RNF213: variants seen among roughly 807,000 people sequenced by gnomAD.
RNF213 encodes E3 ubiquitin-protein ligase RNF213.
RNF213 carries 341 observed loss-of-function variants against 514.4 expected under a neutral mutation model. That is an observed-to-expected ratio of 0.66 (90% CI 0.61 to 0.73). RNF213 has a LOEUF of 0.73. RNF213 is among the 30% of genes least tolerant of loss of function. The pLI is 0.00. For synonymous variants in RNF213, 2,655 were observed against 2,658.2 expected, an observed-to-expected ratio of 1.00 and a Z score of 0.04; for missense variants, 5,767 against 6,615.6, an observed-to-expected ratio of 0.87 and a Z score of 4.45.
In RNF213 at chr17:80,389,997, C is replaced by T. The variant is rs765789358; in HGVS notation, c.15286-15C>T. The T allele has an allele frequency of 1.2e-6, 2 of 1,614,218 alleles. No individual in the cohort carries two copies. Among genetic ancestry groups the T allele is most frequent in the Admixed American group, 1.7e-5 (1 of 60,026 alleles). ...TGCAGGCTTTAATGCTTCATTTGCT[C>T]TTCCGTCGTTTTAGGAGCCATTTGG... On this transcript the variant is annotated splice_polypyrimidine_tract_variant and intron_variant, in intron 66 of 67. Coordinates refer to ENST00000582970, the MANE Select transcript of RNF213 (RefSeq NM_001256071.3).
chr17:80,288,409 G>T lies in RNF213; in HGVS notation c.810+46G>T, dbSNP rs750165407. 2 of 1,607,016 alleles carry T rather than the reference G, an allele frequency of 1.2e-6. No individual in the cohort carries two copies. Among genetic ancestry groups the T allele is most frequent in the Non-Finnish European group, 1.7e-6 (2 of 1,178,260 alleles). The stretch of plus-strand genomic sequence containing the variant: ...GGCCTGGGAGTGGCACTGAGCCCTC[G>T]GCACCTGGGCTCTGCTGCAAGGTGC... On this transcript the variant is annotated intron_variant, in intron 4 of 67. Coordinates refer to ENST00000582970, the MANE Select transcript of RNF213 (RefSeq NM_001256071.3). This position sits in a 1 kb window ranked among gnomAD's most constrained non-coding sequence, Gnocchi z 4.9.
chr17:80,349,992 T>C (rs1303629050), intron 30 of RNF213, 86 bp downstream of exon 30: 1 of 1,439,140 alleles, frequency 6.9e-7, no homozygotes, highest in African/African-American at 1.4e-5. Context: ...CCGCGCCGGT[T>C]AATGAGCGCC....
chr17:80,358,053 A>C (rs913101457), intron 36 of RNF213, among the ~76,000 whole-genome samples: 2 of 152,232 alleles, frequency 1.3e-5, no homozygotes, highest in African/African-American at 4.8e-5. Flanking sequence ...ACAGTTTATT[A>C]GATGTAGAAT....
chr17:80,272,246 T>C (rs1195794006), intron 2 of RNF213, among the ~76,000 whole-genome samples: 1 of 152,068 alleles, frequency 6.6e-6, no homozygotes, highest in Non-Finnish European at 1.5e-5. Flanking sequence ...ATTGTGCCTC[T>C]GCACTCCAGC....
chr17:80,273,477 A>G, intron 3 of RNF213, 73 bp downstream of exon 3: 2 of 1,591,942 alleles, frequency 1.3e-6, no homozygotes, highest in East Asian at 2.3e-5. Flanking sequence ...ACAGCTGCCC[A>G]GCTAGCCCCC....
intron 44 of RNF213, among the ~76,000 whole-genome samples, chr17:80,368,495 C>T (rs1351061929): frequency 2.7e-5 from 4 of 149,910 alleles, no homozygotes; most frequent in African/African-American, 4.9e-5. Flanking sequence ...TACAGTGGCA[C>T]GATCTCAGCT....
intron 56 of RNF213, 46 bp downstream of exon 56, chr17:80,381,033 T>C (rs2079978055): frequency 6.2e-7 from 1 of 1,602,084 alleles, no homozygotes; most frequent in African/African-American, 1.3e-5. Context: ...AAGAACCTGC[T>C]TTCGCTTCTT....
intron 3 of RNF213, among the ~76,000 whole-genome samples, chr17:80,282,954 T>A (rs1489602055): frequency 7.2e-5 from 11 of 152,206 alleles, no homozygotes; most frequent in African/African-American, 2.7e-4. Flanking sequence ...CGCCTCGTTC[T>A]CTCAAAGTGC....
rs774133769 is a variant in RNF213, at chr17:80,383,761, T to C, written c.14155T>C (p.Tyr4719His). The change falls in exon 59 of 68, where the codon TAT (tyrosine) becomes CAT (histidine). Residue 4719 changes from tyrosine to histidine, a missense_variant. Transcript: ENST00000582970. ...CTCTAACCCTGTGGCCAAAATAATA[T>C]ATGGTGACCCAGTGACCTTCCTGCC... is the stretch of plus-strand genomic sequence containing the variant. Reference protein sequence around the residue: ...ISSNPVAKIIYGDPVTFLPHL... With the variant: ...ISSNPVAKIIHGDPVTFLPHL... The C allele has an allele frequency of 2.5e-6, 4 of 1,613,958 alleles. No individual in the cohort carries two copies. The highest frequency in any genetic ancestry group is 1.1e-5 in the South Asian group (1 of 91,074).
At chr17:80,382,735 C>CTTTTTTTTTTTTTTTTTTTTGAG (rs1465759055) in intron 57 of RNF213, 2 of 416,208 alleles carry the variant, frequency 4.8e-6, no homozygotes, top group African/African-American at 4.1e-5. Context: ...TAATTTTTTT[C>CTTTTTTTTTTTTTTTTTTTTGAG]AAAATGGGTC....
Position 80,346,540 on chromosome 17 carries a change from C to T in RNF213, c.8205C>T (p.Gly2735=), listed in dbSNP as rs371164542. 148 of 1,613,430 alleles carry T rather than the reference C, an allele frequency of 9.2e-5. 1 individual carries two copies. The highest frequency in any genetic ancestry group is 1.2e-4 in the Non-Finnish European group (136 of 1,180,036). Residue 2735 remains glycine (G), a synonymous_variant, in exon 29 of 68, where the codon GGC becomes GGT. Coordinates refer to ENST00000582970, the MANE Select transcript of RNF213 (RefSeq NM_001256071.3). The surrounding 1 kb of genome is among the most constrained non-coding windows in gnomAD (Gnocchi z 8.1). ...ITRAQDLFLD[G]VPLRKTIAKN... Reference sequence around the variant, plus strand: ...GGGCACAGGATCTTTTTCTGGACGGCGTACCTCTGAGGAAAACCATCGCCA... The same window carrying T: ...GGGCACAGGATCTTTTTCTGGACGGTGTACCTCTGAGGAAAACCATCGCCA...
Position 80,354,152 on chromosome 17 carries a change from A to G in RNF213, c.10712A>G (p.Asp3571Gly). 1.9e-6 allele frequency: 3 copies of G among 1,613,860 alleles called. No homozygotes were observed. The highest frequency in any genetic ancestry group is 1.7e-4 in the Middle Eastern group (1 of 5,976). Residue 3571 changes from aspartate (D) to glycine (G), a missense_variant, in exon 35 of 68, where the codon GAT becomes GGT. By Grantham distance (94) the Asp-to-Gly change is moderately conservative. Transcript: ENST00000582970. The part of the protein sequence containing the change: ...VVLLLGLLNE[D>G]DACHASFLRV... ...CTCCTCCTGGGCCTCTTGAATGAGG[A>G]TGACGCGTGCCACGGTATGAGCCTC... is the stretch of plus-strand genomic sequence containing the variant.
intron 42 of RNF213, among the ~76,000 whole-genome samples, chr17:80,366,295 G>C (rs926530918): frequency 1.3e-5 from 2 of 152,198 alleles, no homozygotes; most frequent in African/African-American, 4.8e-5. Context: ...TGATAACTCT[G>C]TTTAACTTTA....
At chr17:80,290,925 T>C (rs769889633) in intron 7 of RNF213, among the ~76,000 whole-genome samples, 197 bp downstream of exon 7, 3 of 151,916 alleles carry the variant, frequency 2.0e-5, no homozygotes, top group Non-Finnish European at 4.4e-5. Flanking sequence ...TTCTCATGCC[T>C]CAGCTCCCAA....
At position 80,372,008 on chromosome 17, in the gene RNF213, G is replaced by A. The variant is rs1479031126; in HGVS notation, c.12537+23G>A. The A allele has an allele frequency of 2.4e-6, 3 of 1,256,108 alleles. No homozygotes were observed. The East Asian group carries it at 6.9e-5, about 29-fold the overall frequency. 77.8% of individuals were successfully genotyped at this position (1,256,108 alleles called of 1,614,324 possible). A position where few individuals can be genotyped will look rare whatever the true frequency, so the allele number is the denominator to read the frequency against. On this transcript the variant is annotated intron_variant, in intron 47 of 67. Coordinates refer to ENST00000582970, the MANE Select transcript of RNF213 (RefSeq NM_001256071.3). Reference sequence around the variant, plus strand: ...GAGGTAAGTGAACTCTCTCTTCCCTGAATTTCTTTTGGAAACTATCTGAAC... The same window carrying A: ...GAGGTAAGTGAACTCTCTCTTCCCTAAATTTCTTTTGGAAACTATCTGAAC...
At chr17:80,322,055 A>G (rs2046154527) in intron 17 of RNF213, among the ~76,000 whole-genome samples, 1 of 152,006 alleles carries the variant, frequency 6.6e-6, no homozygotes, top group Admixed American at 6.6e-5. Context: ...TTTCTCTGAT[A>G]ACTAATGATA....
Position 80,328,325 on chromosome 17 carries a change from CA to C in RNF213, c.3368-2del. ...TTACTTTATTGGTGTTCTTATTTTCCAGGGGAAAAAAGTCTTTCACCCCAGG... is the reference window on the plus strand; with the variant it reads ...TTACTTTATTGGTGTTCTTATTTTCCGGGGAAAAAAGTCTTTCACCCCAGG... On this transcript the variant is annotated splice_acceptor_variant, in intron 19 of 67. Transcript: ENST00000582970. LOFTEE classifies it high-confidence loss of function. The C allele has an allele frequency of 6.5e-7, 1 of 1,533,840 alleles. No individual in the cohort carries two copies. Among genetic ancestry groups the C allele is most frequent in the Non-Finnish European group, 8.7e-7 (1 of 1,144,994 alleles).
intron 50 of RNF213, chr17:80,374,832 G>A: frequency 1.9e-6 from 1 of 518,342 alleles, no homozygotes; most frequent in South Asian, 2.0e-5. Context: ...GTGTCTTGCT[G>A]ATCTGCCAAG....
Position 80,345,689 on chromosome 17 carries a change from C to T in RNF213, c.7354C>T (p.His2452Tyr). The T allele has an allele frequency of 6.2e-7, 1 of 1,614,222 alleles. No homozygotes were observed. The highest frequency in any genetic ancestry group is 8.5e-7 in the Non-Finnish European group (1 of 1,180,034). ...TGACACCATAAAGCTGGTCAAGGTG[C>T]ACGGAGGAACAACTGCAGACATGAT... is the stretch of plus-strand genomic sequence containing the variant. ...NADTIKLVKV[H>Y]GGTTADMIYS... is the part of the protein sequence containing the mutation. Residue 2452 changes from histidine (H) to tyrosine (Y), a missense_variant, in exon 29 of 68, where the codon CAC becomes TAC. Transcript: ENST00000582970. This position sits in a 1 kb window ranked among gnomAD's most constrained non-coding sequence, Gnocchi z 6.0.
Sources: allele counts gnomAD v4.1 joint callset (sites outside exome capture counted in the v4.1 genomes callset), GRCh38; gene constraint gnomAD v4.1.1; non-coding constraint Gnocchi (gnomAD v3.1); transcripts MANE v1.5; gene names NCBI Gene and HGNC (gene_info 2026-07-23, HGNC 2026-07-21).